The following PRTFDC1 variants were observed in gnomAD, a reference collection of about 807,000 sequenced individuals.
PRTFDC1 encodes the protein phosphoribosyl transferase domain containing 1.
In PRTFDC1, 38 loss-of-function variants were observed where a neutral mutation model predicts 34.6. The observed-to-expected ratio is 1.10, with a 90% CI of 0.85 to 1.44. The LOEUF (loss-of-function observed/expected upper bound fraction) is 1.44, where lower values mean the gene tolerates loss of function less well. PRTFDC1 is among the 40% of genes most tolerant of loss of function. PRTFDC1 has a pLI of 0.00. For synonymous variants in PRTFDC1, 93 were observed against 98.1 expected (o/e 0.95, Z 0.31); for missense variants, 270 against 283.0 (o/e 0.95, Z 0.33).
chr10:24,873,432 T>G (rs1588582957), intron 3 of PRTFDC1, among the ~76,000 whole-genome samples: 2 of 152,212 alleles, frequency 1.3e-5, no homozygotes, highest in East Asian at 3.8e-4. Flanking sequence ...AATCCCTTGA[T>G]TCTAACAATA....
chr10:24,864,691 C>A (rs887265994), intron 4 of PRTFDC1, among the ~76,000 whole-genome samples: 2 of 152,096 alleles, frequency 1.3e-5, no homozygotes, highest in Non-Finnish European at 2.9e-5. Context: ...ACTGAAAAAT[C>A]AAAAAATTTG....
intron 4 of PRTFDC1, among the ~76,000 whole-genome samples, chr10:24,869,556 G>A (rs77545741): frequency 6.6e-6 from 1 of 152,216 alleles, no homozygotes; most frequent in Non-Finnish European, 1.5e-5. Context: ...ATTTACAACT[G>A]TGATGCTCAA....
chr10:24,937,555 C>CT lies in PRTFDC1; in HGVS notation c.156-189dup, dbSNP rs35562409. ...AACATAAGGTGTTCAAAACATACTG[C>CT]TTTTTTTTTTTTTTTTTTTTAAGAT... On this transcript the variant is annotated intron_variant, in intron 2 of 8. Transcript: ENST00000320152. 6.1e-3 allele frequency among the ~76,000 whole-genome samples: 854 copies of CT among 138,976 alleles called. 7 individuals carry two copies. The highest frequency in any genetic ancestry group is 7.5e-3 in the Middle Eastern group (2 of 268). 91.2% of individuals were successfully genotyped at this position (138,976 alleles called of 152,430 possible). A position where few individuals can be genotyped will look rare whatever the true frequency, so the allele number is the denominator to read the frequency against.
intron 3 of PRTFDC1, among the ~76,000 whole-genome samples, chr10:24,897,742 C>T (rs1320703698): frequency 6.6e-6 from 1 of 152,126 alleles, no homozygotes; most frequent in Non-Finnish European, 1.5e-5. Flanking sequence ...TAATATGTGG[C>T]AACAACGTGA....
chr10:24,933,894 T>C (rs924786366), intron 3 of PRTFDC1, among the ~76,000 whole-genome samples: 1 of 152,050 alleles, frequency 6.6e-6, no homozygotes, highest in Non-Finnish European at 1.5e-5. Flanking sequence ...GGTTTCACCA[T>C]GTTGACCAAG....
intron 1 of PRTFDC1, among the ~76,000 whole-genome samples, chr10:24,944,427 A>G (rs1178319060): frequency 2.6e-5 from 4 of 152,048 alleles, no homozygotes; most frequent in African/African-American, 9.7e-5. Flanking sequence ...AGGAGCCACT[A>G]CACTTGCCTC....
chr10:24,911,845 T>A (rs1488648423), intron 3 of PRTFDC1, among the ~76,000 whole-genome samples: 1 of 150,574 alleles, frequency 6.6e-6, no homozygotes, highest in Non-Finnish European at 1.5e-5. Context: ...CCAGCCTGGG[T>A]GACAGAGCAA....
chr10:24,942,641 T>A (rs1849182105), intron 1 of PRTFDC1, among the ~76,000 whole-genome samples: 1 of 152,108 alleles, frequency 6.6e-6, no homozygotes, highest in Non-Finnish European at 1.5e-5. Context: ...TCATAAAATA[T>A]TTGTTTTGTT....
At chr10:24,913,587 C>A (rs1848657289) in intron 3 of PRTFDC1, among the ~76,000 whole-genome samples, 1 of 152,196 alleles carries the variant, frequency 6.6e-6, no homozygotes, top group Non-Finnish European at 1.5e-5. Context: ...TCTCTTATCT[C>A]AGTATTTAGA....
intron 1 of PRTFDC1, among the ~76,000 whole-genome samples, chr10:24,947,512 G>C (rs1057194628): frequency 6.0e-4 from 92 of 152,214 alleles, no homozygotes; most frequent in African/African-American, 2.0e-3. Flanking sequence ...GCCAAGCTGG[G>C]GGAAGTGACA....
chr10:24,878,890 A>G (rs1257343719), intron 3 of PRTFDC1, among the ~76,000 whole-genome samples: 1 of 152,190 alleles, frequency 6.6e-6, no homozygotes, highest in Non-Finnish European at 1.5e-5. Flanking sequence ...GGCTGTCTCA[A>G]TATTCTCCGC....
chr10:24,854,585 C>T (rs1227338507), intron 7 of PRTFDC1, among the ~76,000 whole-genome samples: 1 of 152,152 alleles, frequency 6.6e-6, no homozygotes, highest in Non-Finnish European at 1.5e-5. Context: ...AAAAAATCGC[C>T]TCTAGTGTTA....
intron 3 of PRTFDC1, among the ~76,000 whole-genome samples, chr10:24,909,288 A>T (rs1848589820): frequency 6.6e-6 from 1 of 152,236 alleles, no homozygotes; most frequent in African/African-American, 2.4e-5. Flanking sequence ...TCTCAAAAAA[A>T]AGGGGACTAT....
chr10:24,858,556 T>A, intron 4 of PRTFDC1, 147 bp from the exon 5 acceptor site: 1 of 752,028 alleles, frequency 1.3e-6, no homozygotes, highest in Non-Finnish European at 2.2e-6. Context: ...AGAGGTGATC[T>A]AGGTTTTCCA....
At chr10:24,907,086 C>G (rs1414670333) in intron 3 of PRTFDC1, among the ~76,000 whole-genome samples, 4 of 152,168 alleles carry the variant, frequency 2.6e-5, no homozygotes, top group Middle Eastern at 3.4e-3. Context: ...GTGGCTCACA[C>G]CTGTAATCCT....
At chr10:24,934,705 G>A (rs961852095) in intron 3 of PRTFDC1, among the ~76,000 whole-genome samples, 3 of 152,036 alleles carry the variant, frequency 2.0e-5, no homozygotes, top group Non-Finnish European at 4.4e-5. Context: ...TTTCCAGACC[G>A]AACCAACGTA....
chr10:24,910,375 C>T (rs12098488), intron 3 of PRTFDC1, among the ~76,000 whole-genome samples: 2,288 of 152,254 alleles, frequency 0.015, 58 homozygotes, highest in African/African-American at 0.051. Context: ...AGTAAGTCAT[C>T]TAACAACTGA....
chr10:24,873,415 A>T (rs1847911106), intron 3 of PRTFDC1, among the ~76,000 whole-genome samples: 1 of 152,230 alleles, frequency 6.6e-6, no homozygotes, highest in Non-Finnish European at 1.5e-5. Context: ...GAATGCTGTG[A>T]TGTTGCAATC....
chr10:24,858,290 G>T, intron 5 of PRTFDC1, 102 bp downstream of exon 5: 1 of 1,300,752 alleles, frequency 7.7e-7, no homozygotes, highest in Non-Finnish European at 1.1e-6. Context: ...CCCAGTGGGA[G>T]CTCAAGAAAT....
Sources: allele counts gnomAD v4.1 joint callset (sites outside exome capture counted in the v4.1 genomes callset), GRCh38; gene constraint gnomAD v4.1.1; transcripts MANE v1.5; gene names NCBI Gene and HGNC (gene_info 2026-07-23, HGNC 2026-07-21).